The following CHRM3 variants were observed in gnomAD, a reference collection of about 807,000 sequenced individuals.
CHRM3 encodes the protein muscarinic acetylcholine receptor M3.
Under a neutral mutation model 41.8 loss-of-function variants are expected in CHRM3, and 11 were observed. The ratio of observed to expected loss-of-function variants is 0.26; its 90% CI spans 0.17 to 0.44. The LOEUF is 0.44. Ranked by LOEUF, CHRM3 falls within the 20% of genes least tolerant of loss-of-function variation. The probability of loss-of-function intolerance (pLI) is 1.00; values close to 1 mark genes in which losing one functional copy is unlikely to be tolerated. For synonymous variants in CHRM3, 297 were observed against 301.4 expected (o/e 0.99, Z 0.15); for missense variants, 571 against 745.4 (o/e 0.77, Z 2.72).
intron 5 of CHRM3, among the ~76,000 whole-genome samples, chr1:239,821,773 G>A (rs1194129890): frequency 1.3e-5 from 2 of 152,140 alleles, no homozygotes; most frequent in Non-Finnish European, 2.9e-5. Context: ...GTTTGGCTGT[G>A]TCCCCACCCA....
intron 3 of CHRM3, among the ~76,000 whole-genome samples, chr1:239,630,325 C>T (rs900090608): frequency 3.9e-5 from 6 of 152,068 alleles, no homozygotes; most frequent in South Asian, 2.1e-4. Flanking sequence ...TAGGCAAATG[C>T]GTTTGTAATA....
chr1:239,489,419 A>C (rs916517147), intron 1 of CHRM3, among the ~76,000 whole-genome samples: 2 of 152,166 alleles, frequency 1.3e-5, no homozygotes, highest in Non-Finnish European at 2.9e-5. Context: ...TCTCAAAAAA[A>C]AAAAAATTGG....
At chr1:239,570,994 C>T (rs947833998) in intron 3 of CHRM3, among the ~76,000 whole-genome samples, 15 of 152,180 alleles carry the variant, frequency 9.9e-5, no homozygotes, top group Non-Finnish European at 2.1e-4. Flanking sequence ...CTGGATTAAA[C>T]ACAGGCTTAC....
chr1:239,623,140 T>A (rs982384316), intron 3 of CHRM3, among the ~76,000 whole-genome samples: 2 of 152,136 alleles, frequency 1.3e-5, no homozygotes, highest in African/African-American at 4.8e-5. Context: ...ATACTTTAAG[T>A]TTTAGGGTAC....
At chr1:239,581,285 A>G (rs1181238080) in intron 3 of CHRM3, among the ~76,000 whole-genome samples, 1 of 152,118 alleles carries the variant, frequency 6.6e-6, no homozygotes, top group Non-Finnish European at 1.5e-5. Context: ...AAGTATCCCT[A>G]TGTTTTAAAG....
At chr1:239,831,106 AG>A (rs1672861774) in intron 6 of CHRM3, among the ~76,000 whole-genome samples, 1 of 152,136 alleles carries the variant, frequency 6.6e-6, no homozygotes, top group Non-Finnish European at 1.5e-5. Flanking sequence ...AAGAGGTAAA[AG>A]CAGCATTGCT....
At chr1:239,878,967 G>A (rs951732300) in intron 6 of CHRM3, among the ~76,000 whole-genome samples, 1 of 152,126 alleles carries the variant, frequency 6.6e-6, no homozygotes, top group African/African-American at 2.4e-5. Flanking sequence ...AGTGGCAAGT[G>A]CAGAGGTACA....
intron 4 of CHRM3, among the ~76,000 whole-genome samples, chr1:239,646,240 C>T (rs1671727793): frequency 6.6e-6 from 1 of 152,162 alleles, no homozygotes; most frequent in African/African-American, 2.4e-5. Context: ...TATTCAATTC[C>T]TGTTATATGT....
chr1:239,461,659 C>T (rs1043482179), intron 1 of CHRM3, among the ~76,000 whole-genome samples: 26 of 152,166 alleles, frequency 1.7e-4, no homozygotes, highest in African/African-American at 6.0e-4. Context: ...GGTGGTCTCT[C>T]TGGTTGATTT....
intron 5 of CHRM3, among the ~76,000 whole-genome samples, chr1:239,688,243 CTA>C: frequency 1.4e-5 from 2 of 147,060 alleles, no homozygotes; most frequent in Middle Eastern, 7.2e-3. Flanking sequence ...ATTATATAAT[CTA>C]TTATTAAATA....
chr1:239,458,600 G>A (rs1665132651), intron 1 of CHRM3, among the ~76,000 whole-genome samples: 1 of 152,100 alleles, frequency 6.6e-6, no homozygotes, highest in Non-Finnish European at 1.5e-5. Flanking sequence ...TATAATAATA[G>A]GGCATATTAT....
At chr1:239,473,715 T>C (rs969617223) in intron 1 of CHRM3, among the ~76,000 whole-genome samples, 12 of 152,102 alleles carry the variant, frequency 7.9e-5, no homozygotes, top group African/African-American at 2.4e-4. Flanking sequence ...CTTGGATAAA[T>C]GTATCTCCCA....
intron 5 of CHRM3, among the ~76,000 whole-genome samples, chr1:239,797,783 T>G (rs1669908875): frequency 6.6e-6 from 1 of 152,120 alleles, no homozygotes; most frequent in Non-Finnish European, 1.5e-5. Context: ...TGTGGTGGCT[T>G]GCACCTATGG....
At chr1:239,717,098 A>G (rs1662458251) in intron 5 of CHRM3, among the ~76,000 whole-genome samples, 1 of 152,122 alleles carries the variant, frequency 6.6e-6, no homozygotes, top group Non-Finnish European at 1.5e-5. Flanking sequence ...CAAAAAAGAA[A>G]AAGTTCAAAT....
At chr1:239,767,585 T>TA (rs1466559633) in intron 5 of CHRM3, among the ~76,000 whole-genome samples, 1 of 152,208 alleles carries the variant, frequency 6.6e-6, no homozygotes. Flanking sequence ...GCTGGTCAAT[T>TA]AAAATCAATG....
intron 1 of CHRM3, among the ~76,000 whole-genome samples, chr1:239,400,191 G>A (rs2102972287): frequency 1.3e-5 from 2 of 152,340 alleles, no homozygotes. Flanking sequence ...TTACAGGCGT[G>A]AGCCATGACT....
Position 239,584,267 on chromosome 1 carries a change from C to A in CHRM3, c.-313+38518C>A, listed in dbSNP as rs1313798555. 5.3e-5 allele frequency among the ~76,000 whole-genome samples: 8 copies of A among 151,916 alleles called. No individual in the cohort carries two copies. In the East Asian group the frequency reaches 9.7e-4, roughly 18 times the overall value. On this transcript the variant is annotated intron_variant, in intron 3 of 6. Transcript: ENST00000676153. ...TACAGGTGTGTGCCACCATGCCTGG[C>A]TAATTTTTGTATTTTTGGTAGAGAC...
At chr1:239,846,608 A>G (rs1056517053) in intron 6 of CHRM3, among the ~76,000 whole-genome samples, 11 of 152,184 alleles carry the variant, frequency 7.2e-5, no homozygotes, top group African/African-American at 2.4e-4. Flanking sequence ...ATTCAGAGGA[A>G]CAGCCAATAT....
At chr1:239,611,492 C>T (rs1415943736) in intron 3 of CHRM3, among the ~76,000 whole-genome samples, 2 of 134,560 alleles carry the variant, frequency 1.5e-5, no homozygotes, top group Non-Finnish European at 3.0e-5. Context: ...GCGATCTTGG[C>T]TCACTGCAAC....
Sources: gnomAD v4.1 joint callset for allele counts (sites outside exome capture counted in the v4.1 genomes callset) on GRCh38, gnomAD v4.1.1 for gene constraint, MANE v1.5 for transcripts, NCBI Gene and HGNC (gene_info 2026-07-23, HGNC 2026-07-21) for gene names.